The following GMDS variants were observed in gnomAD, a reference collection of about 807,000 sequenced individuals.
GMDS encodes the protein GDP-mannose 4,6-dehydratase, also known as GDP-mannose 4,6 dehydratase.
GMDS carries 20 observed loss-of-function variants against 49.9 expected under a neutral mutation model. That is an observed-to-expected ratio of 0.40 (90% CI 0.28 to 0.58). GMDS has a LOEUF of 0.58. GMDS is among the 20% of genes least tolerant of loss of function. The probability of loss-of-function intolerance (pLI) is 0.42; values close to 1 mark genes in which losing one functional copy is unlikely to be tolerated. For synonymous variants in GMDS, 177 were observed against 178.6 expected, an observed-to-expected ratio of 0.99 and a Z score of 0.07; for missense variants, 362 against 481.4, an observed-to-expected ratio of 0.75 and a Z score of 2.32.
chr6:2,146,436 C>A (rs1276603213), intron 1 of GMDS, among the ~76,000 whole-genome samples: 1 of 152,050 alleles, frequency 6.6e-6, no homozygotes, highest in African/African-American at 2.4e-5. Context: ...AATGGGTGGG[C>A]TGGTTTGGTG....
At chr6:1,989,831 C>T (rs1047586897) in intron 4 of GMDS, among the ~76,000 whole-genome samples, 1 of 152,244 alleles carries the variant, frequency 6.6e-6, no homozygotes, top group African/African-American at 2.4e-5. Context: ...ATGTGAGGGG[C>T]TGAAGATACG....
rs140411684 is a variant in GMDS at position 2,198,571 on chromosome 6, A to C, written c.102+46750T>G. Among the ~76,000 whole-genome samples, 195 of 152,318 alleles carry C rather than the reference A, an allele frequency of 1.3e-3. 1 individual carries two copies. Among genetic ancestry groups the C allele is most frequent in the African/African-American group, 4.5e-3 (189 of 41,582 alleles). ...AAGAAACAAATAAACAAAAAAAAAA[A>C]AACAAGAGAATTAAGCAATAAAGAA... is the stretch of plus-strand genomic sequence containing the variant. On this transcript the variant is annotated intron_variant, in intron 1 of 10. Transcript: ENST00000380815.
At chr6:2,043,697 C>T (rs1490551539) in intron 4 of GMDS, among the ~76,000 whole-genome samples, 1 of 152,166 alleles carries the variant, frequency 6.6e-6, no homozygotes, top group Admixed American at 6.5e-5. Flanking sequence ...TGCACTCTTA[C>T]CTGTGAGATA....
intron 1 of GMDS, among the ~76,000 whole-genome samples, chr6:2,163,902 C>T (rs555653555): frequency 1.3e-5 from 2 of 152,302 alleles, no homozygotes; most frequent in East Asian, 1.9e-4. Context: ...CTGGGGCTCC[C>T]GTCACAAATG....
chr6:1,623,982 G>A lies in GMDS; in HGVS notation c.*187C>T, dbSNP rs533734488. Reference sequence around the variant, plus strand: ...ACGCAAAGCGACCCAAACCCTGGAGGGTCACATCCCGGCTGCTACAAACCT... The same window carrying A: ...ACGCAAAGCGACCCAAACCCTGGAGAGTCACATCCCGGCTGCTACAAACCT... On this transcript the variant is annotated 3_prime_UTR_variant, in exon 11 of 11. Transcript: ENST00000380815. 6.2e-5 allele frequency: 35 copies of A among 560,448 alleles called. No individual in the cohort carries two copies. In the South Asian group the frequency reaches 8.0e-4, roughly 13 times the overall value. 34.7% of individuals were successfully genotyped at this position (560,448 alleles called of 1,614,324 possible).
At chr6:1,665,498 C>T (rs1439833482) in intron 9 of GMDS, among the ~76,000 whole-genome samples, 2 of 152,190 alleles carry the variant, frequency 1.3e-5, no homozygotes, top group Admixed American at 1.3e-4. Context: ...GGGAGACAGA[C>T]CTCTGGCTTG....
At chr6:1,886,715 G>T (rs1759624933) in intron 7 of GMDS, among the ~76,000 whole-genome samples, 1 of 152,142 alleles carries the variant, frequency 6.6e-6, no homozygotes, top group Non-Finnish European at 1.5e-5. Flanking sequence ...TTCTGTGTCA[G>T]AGGTAATAAT....
At chr6:2,015,225 C>T (rs115824769) in intron 4 of GMDS, among the ~76,000 whole-genome samples, 1,704 of 152,254 alleles carry the variant, frequency 0.011, 36 homozygotes, top group African/African-American at 0.04. Context: ...TTGATATTTA[C>T]TGATTACTTC....
chr6:1,831,401 G>GAAAATCTCTATGA (rs1756635840), intron 7 of GMDS, among the ~76,000 whole-genome samples: 1 of 152,198 alleles, frequency 6.6e-6, no homozygotes, highest in Non-Finnish European at 1.5e-5. Context: ...AGCGTGAAGG[G>GAAAATCTCTATGA]AAAATCTCTA....
At chr6:2,069,941 T>A (rs1309499418) in intron 4 of GMDS, among the ~76,000 whole-genome samples, 2 of 152,088 alleles carry the variant, frequency 1.3e-5, no homozygotes, top group Non-Finnish European at 2.9e-5. Flanking sequence ...GAATTATAAA[T>A]CATGCTGCTA....
intron 9 of GMDS, among the ~76,000 whole-genome samples, chr6:1,718,323 C>T (rs1766245055): frequency 6.6e-6 from 1 of 152,148 alleles, no homozygotes; most frequent in African/African-American, 2.4e-5. Flanking sequence ...TGACGGAACA[C>T]CTCAACACCT....
At chr6:1,834,532 A>G (rs1756833735) in intron 7 of GMDS, among the ~76,000 whole-genome samples, 1 of 152,188 alleles carries the variant, frequency 6.6e-6, no homozygotes, top group Non-Finnish European at 1.5e-5. Flanking sequence ...CTTTATTTAC[A>G]GTGCTTTTGT....
At position 2,183,342 on chromosome 6, in the gene GMDS, A is replaced by G. The variant is rs115875795; in HGVS notation, c.103-58611T>C. On this transcript the variant is annotated intron_variant, in intron 1 of 10. Coordinates refer to ENST00000380815, the MANE Select transcript of GMDS (RefSeq NM_001500.4). Reference sequence around the variant, plus strand: ...TGGAACTTATTAACATAAGTTTGGAAGAAGTTGATTCCAATCCTCATGGAT... The same window carrying G: ...TGGAACTTATTAACATAAGTTTGGAGGAAGTTGATTCCAATCCTCATGGAT... Among the ~76,000 whole-genome samples, 620 of 152,324 alleles carry G rather than the reference A, an allele frequency of 4.1e-3. 5 individuals carry two copies. The highest frequency in any genetic ancestry group is 0.014 in the African/African-American group (589 of 41,556).
intron 7 of GMDS, among the ~76,000 whole-genome samples, chr6:1,879,320 G>A (rs946693184): frequency 1.3e-5 from 2 of 152,160 alleles, no homozygotes; most frequent in Admixed American, 1.3e-4. Context: ...GAAAGGTGGT[G>A]GAATTTATCA....
intron 7 of GMDS, among the ~76,000 whole-genome samples, chr6:1,878,842 A>T (rs1350216978): frequency 1.3e-5 from 2 of 152,232 alleles, no homozygotes; most frequent in Non-Finnish European, 2.9e-5. Flanking sequence ...ATACATACTG[A>T]AAAAAGCAAA....
chr6:1,728,870 T>G (rs1282946334), intron 8 of GMDS, among the ~76,000 whole-genome samples: 1 of 152,094 alleles, frequency 6.6e-6, no homozygotes, highest in Non-Finnish European at 1.5e-5. Flanking sequence ...CCTCTTATTT[T>G]TTCTTCCTTA....
intron 4 of GMDS, among the ~76,000 whole-genome samples, chr6:1,977,906 T>G (rs2127339622): frequency 6.6e-6 from 1 of 152,224 alleles, no homozygotes; most frequent in Admixed American, 6.5e-5. Flanking sequence ...CAAATATGTC[T>G]ACAGCTCAGG....
intron 4 of GMDS, among the ~76,000 whole-genome samples, chr6:2,070,442 T>G (rs1008858012): frequency 1.3e-5 from 2 of 152,090 alleles, no homozygotes; most frequent in East Asian, 3.9e-4. Flanking sequence ...AGAAAAACCA[T>G]TATCAAAATA....
intron 6 of GMDS, among the ~76,000 whole-genome samples, chr6:1,957,835 C>G (rs1478884811): frequency 6.6e-6 from 1 of 152,178 alleles, no homozygotes; most frequent in African/African-American, 2.4e-5. Context: ...AGGGGTCTCA[C>G]TATGTTGCCC....
Sources: allele counts gnomAD v4.1 joint callset (sites outside exome capture counted in the v4.1 genomes callset), GRCh38; gene constraint gnomAD v4.1.1; transcripts MANE v1.5; gene names NCBI Gene and HGNC (gene_info 2026-07-23, HGNC 2026-07-21).